The following EPS15 variants were observed in gnomAD, a reference collection of about 807,000 sequenced individuals.
EPS15 encodes the protein epidermal growth factor receptor substrate 15.
EPS15 carries 72 observed loss-of-function variants against 113.8 expected under a neutral mutation model. That is an observed-to-expected ratio of 0.63 (90% CI 0.52 to 0.77). EPS15 has a LOEUF of 0.77. Among genes scored for constraint, EPS15 ranks in the 30% least tolerant of loss-of-function variants. The pLI, the probability that EPS15 is intolerant of heterozygous loss-of-function variation, is 0.00. For synonymous variants in EPS15, 344 were observed against 363.4 expected (o/e 0.95, Z 0.61); for missense variants, 1,048 against 1,045.8 (o/e 1.00, Z -0.03).
At chr1:51,413,297 C>A (rs1557444830) in intron 13 of EPS15, among the ~76,000 whole-genome samples, 1 of 152,326 alleles carries the variant, frequency 6.6e-6, no homozygotes, top group Non-Finnish European at 1.5e-5. Context: ...TTGTTCCTAA[C>A]CTCTACTGTC....
At position 51,461,159 on chromosome 1, in the gene EPS15, G is replaced by A. The variant is rs530426246; in HGVS notation, c.502-9C>T. On this transcript the variant is annotated splice_polypyrimidine_tract_variant and intron_variant, in intron 7 of 24. Transcript: ENST00000371733. Reference sequence around the variant, plus strand: ...TCACTCAACTCCCAAACCTTAAAAAGAGAATAATTGAAAAAAGATTAATGT... The same window carrying A: ...TCACTCAACTCCCAAACCTTAAAAAAAGAATAATTGAAAAAAGATTAATGT... 48 of 1,569,284 alleles carry A rather than the reference G, an allele frequency of 3.1e-5. 1 individual carries two copies. In the South Asian group the frequency reaches 5.2e-4, roughly 17 times the overall value.
In EPS15 at chr1:51,398,878, C is replaced by G. The variant is rs1284410590; in HGVS notation, c.2052+154G>C. Among the ~76,000 whole-genome samples, 16 of 152,180 alleles carry G rather than the reference C, an allele frequency of 1.1e-4. No individual in the cohort carries two copies. In the South Asian group the frequency reaches 3.3e-3, roughly 32 times the overall value. ...CAAACTATGAAATACCAGTCTGAAC[C>G]AAAAACTAAATGAATTGGGATGAGA... On this transcript the variant is annotated intron_variant, in intron 20 of 24. Transcript: ENST00000371733.
chr1:51,357,740 CTTTTT>C (rs397978269), intron 24 of EPS15, among the ~76,000 whole-genome samples: 1 of 133,074 alleles, frequency 7.5e-6, no homozygotes, highest in Non-Finnish European at 1.6e-5. Context: ...TAAACCTAAT[CTTTTT>C]TTTTTTTTTT....
At position 51,363,976 on chromosome 1, in the gene EPS15, A is replaced by C; in HGVS notation, c.2249T>G (p.Val750Gly). 6.2e-7 allele frequency: 1 copy of C among 1,613,864 alleles called. No individual in the cohort carries two copies. The highest frequency in any genetic ancestry group is 8.5e-7 in the Non-Finnish European group (1 of 1,179,872). ...CTCAAATACATTTTTTGTAATCACT[A>C]CGTTGCTGACAGAGCTCGATGTGGC... is the stretch of plus-strand genomic sequence containing the variant. ...RSATSSSVSN[V>G]VITKNVFEET... Residue 750 changes from valine (V) to glycine (G), a missense_variant, in exon 23 of 25, where the codon GTA (valine) becomes GGA (glycine). Transcript: ENST00000371733.
At chr1:51,366,051 A>G in intron 21 of EPS15, 22 bp from the exon 22 acceptor site, 1 of 1,568,528 alleles carries the variant, frequency 6.4e-7, no homozygotes, top group South Asian at 1.1e-5. Flanking sequence ...AAAGAAAATA[A>G]ATGAAACAGG....
Position 51,394,395 on chromosome 1 carries a change from G to C in EPS15, c.2105C>G (p.Ala702Gly), listed in dbSNP as rs1288152450. Residue 702 changes from alanine to glycine, a missense_variant, in exon 21 of 25, where the codon GCA becomes GGA. Ala to Gly is a moderately conservative substitution (Grantham distance 60, BLOSUM62 0). Coordinates refer to ENST00000371733, the MANE Select transcript of EPS15 (RefSeq NM_001981.3). ...DPFAPGGTVV[A>G]ASDSATDPFA... ...TATTTATTTACCTGAATCGCTTGCT[G>C]CAACAACTGTTCCACCAGGAGCAAA... 7 of 1,598,530 alleles carry C rather than the reference G, an allele frequency of 4.4e-6. No homozygotes were observed. The East Asian group carries it at 1.6e-4, about 36-fold the overall frequency.
chr1:51,488,473 A>T (rs994312890), intron 1 of EPS15, among the ~76,000 whole-genome samples: 3 of 65,630 alleles, frequency 4.6e-5, no homozygotes, highest in Admixed American at 3.0e-4. Context: ...AAAGTTTTGT[A>T]AAAAAAAAAA....
intron 1 of EPS15, among the ~76,000 whole-genome samples, chr1:51,500,148 T>C (rs1474747504): frequency 2.0e-5 from 3 of 152,236 alleles, no homozygotes. Context: ...GAGTCAAAAA[T>C]ACTCCGTTGC....
chr1:51,414,414 C>T (rs1650023238), intron 13 of EPS15, among the ~76,000 whole-genome samples: 1 of 148,744 alleles, frequency 6.7e-6, no homozygotes, highest in Non-Finnish European at 1.5e-5. Flanking sequence ...GAAACTCCAT[C>T]TCAAAAAAAA....
At chr1:51,473,670 A>C (rs1392395969) in intron 2 of EPS15, among the ~76,000 whole-genome samples, 1 of 152,188 alleles carries the variant, frequency 6.6e-6, no homozygotes, top group African/African-American at 2.4e-5. Flanking sequence ...CATTTGTAAA[A>C]ATGAAAAGTA....
rs958514334 is a variant in EPS15, at chr1:51,464,365, G to A, written c.376-567C>T. Among the ~76,000 whole-genome samples, 10 of 151,036 alleles carry A rather than the reference G, an allele frequency of 6.6e-5. 1 individual carries two copies. Among genetic ancestry groups the A allele is most frequent in the East Asian group, 5.9e-4 (3 of 5,120 alleles). ...AGCGATTCTCCTGCCTCAGCCTCCCGAGTAGCTGGGATTATAGGCGCCTGC... is the reference window on the plus strand; with the variant it reads ...AGCGATTCTCCTGCCTCAGCCTCCCAAGTAGCTGGGATTATAGGCGCCTGC... On this transcript the variant is annotated intron_variant, in intron 6 of 24. Transcript: ENST00000371733.
At chr1:51,470,957 GCC>G in intron 4 of EPS15, among the ~76,000 whole-genome samples, 1 of 152,178 alleles carries the variant, frequency 6.6e-6, no homozygotes, top group Middle Eastern at 3.4e-3. Flanking sequence ...CACCAAAGTA[GCC>G]CTTCTACCCA....
chr1:51,400,420 G>A (rs1427635229), intron 19 of EPS15, among the ~76,000 whole-genome samples: 1 of 152,134 alleles, frequency 6.6e-6, no homozygotes, highest in Non-Finnish European at 1.5e-5. Context: ...ATCGGGCACA[G>A]TCGCTCACAC....
intron 1 of EPS15, among the ~76,000 whole-genome samples, chr1:51,508,190 AAAG>A (rs1644532145): frequency 2.5e-5 from 1 of 39,650 alleles, no homozygotes; most frequent in African/African-American, 7.8e-5. Context: ...CAAAAAGAGA[AAAG>A]AAAAGAAAAG....
chr1:51,480,239 T>C (rs566742346), intron 2 of EPS15, among the ~76,000 whole-genome samples: 1 of 152,370 alleles, frequency 6.6e-6, no homozygotes, highest in East Asian at 1.9e-4. Context: ...CAGCCTTTTC[T>C]GTGATCATAA....
At chr1:51,498,623 T>C (rs568849307) in intron 1 of EPS15, among the ~76,000 whole-genome samples, 2 of 152,324 alleles carry the variant, frequency 1.3e-5, no homozygotes, top group Admixed American at 1.3e-4. Flanking sequence ...CATATGATAT[T>C]TTCCACTTAC....
intron 1 of EPS15, among the ~76,000 whole-genome samples, chr1:51,486,623 G>C (rs1644128333): frequency 6.6e-6 from 1 of 152,078 alleles, no homozygotes; most frequent in African/African-American, 2.4e-5. Context: ...CTTTAATACA[G>C]GCAAAAGGAC....
chr1:51,440,445 A>C lies in EPS15; in HGVS notation c.955-13T>G. ...ATCCTATGATGTTCTAAAAACAAAA[A>C]GTTCACAATTATACATTACTATAAA... On this transcript the variant is annotated splice_polypyrimidine_tract_variant and intron_variant, in intron 11 of 24. Coordinates refer to ENST00000371733, the MANE Select transcript of EPS15 (RefSeq NM_001981.3). 7.0e-7 allele frequency: 1 copy of C among 1,437,600 alleles called. No homozygotes were observed. The highest frequency in any genetic ancestry group is 2.3e-5 in the East Asian group (1 of 43,416). The allele number at this position is 1,437,600 out of a possible 1,614,324, so 89.1% of individuals were successfully genotyped here. A position where few individuals can be genotyped will look rare whatever the true frequency, so the allele number is the denominator to read the frequency against.
At position 51,476,025 on chromosome 1, in the gene EPS15, G is replaced by C. The variant is rs527772120; in HGVS notation, c.76-3077C>G. 1.6e-4 allele frequency among the ~76,000 whole-genome samples: 25 copies of C among 152,268 alleles called. No homozygotes were observed. In the East Asian group the frequency reaches 4.8e-3, roughly 29 times the overall value. ...GTATTATTTCTGAGGGCTCTGCTCT[G>C]TTCCATTGGTCTATATCTCTGTTTT... On this transcript the variant is annotated intron_variant, in intron 2 of 24. Transcript: ENST00000371733.
Sources: allele counts gnomAD v4.1 joint callset (sites outside exome capture counted in the v4.1 genomes callset), GRCh38; gene constraint gnomAD v4.1.1; transcripts MANE v1.5; gene names NCBI Gene and HGNC (gene_info 2026-07-23, HGNC 2026-07-21).